MYBPC1: variants seen among roughly 807,000 people sequenced by gnomAD.
MYBPC1 encodes myosin-binding protein C, slow-type.
In MYBPC1, 52 loss-of-function variants were observed where a neutral mutation model predicts 147.1. That is an observed-to-expected ratio of 0.35 (90% CI 0.28 to 0.45). The LOEUF (loss-of-function observed/expected upper bound fraction) is 0.45. MYBPC1 is among the 20% of genes least tolerant of loss of function. The pLI is 1.00. For missense variants in MYBPC1, 1,228 were observed against 1,440.3 expected (o/e 0.85, Z 2.39); for synonymous variants, 477 against 475.9 (o/e 1.00, Z -0.03).
chr12:101,597,084 T>C (rs1402141308), intron 1 of MYBPC1, among the ~76,000 whole-genome samples: 1 of 152,228 alleles, frequency 6.6e-6, no homozygotes, highest in African/African-American at 2.4e-5. Flanking sequence ...CATTTTAATA[T>C]TGTTTACATT....
At chr12:101,632,541 A>C (rs548799686) in intron 8 of MYBPC1, among the ~76,000 whole-genome samples, 81 of 152,338 alleles carry the variant, frequency 5.3e-4, no homozygotes, top group African/African-American at 1.9e-3. Context: ...AATGTCAGGC[A>C]TGGCAGTTCT....
chr12:101,615,021 G>T lies in MYBPC1; in HGVS notation c.61+490G>T, dbSNP rs1399583854. The T allele has an allele frequency of 2.4e-5, 5 of 204,652 alleles. No homozygotes were observed. In the East Asian group the frequency reaches 3.6e-4, roughly 15 times the overall value. The allele number at this position is 204,652 out of a possible 1,614,324, so 12.7% of individuals were successfully genotyped here. ...AACTCCCTAGCAGCTATCCAGAAAG[G>T]TTTGGTGACCTCTGAGGTTCAACGT... is the stretch of plus-strand genomic sequence containing the variant. On this transcript the variant is annotated intron_variant, in intron 2 of 31. Coordinates refer to ENST00000361466, the MANE Select transcript of MYBPC1 (RefSeq NM_002465.4).
intron 29 of MYBPC1, among the ~76,000 whole-genome samples, chr12:101,681,555 CATATATATATATAT>C (rs1206495774): frequency 0.037 from 846 of 23,176 alleles, 19 homozygotes; most frequent in African/African-American, 0.075. Context: ...AAATAACTTT[CATATATATATATAT>C]ATATATATAT....
At chr12:101,669,491 T>A (rs904709147) in intron 23 of MYBPC1, among the ~76,000 whole-genome samples, 2 of 152,226 alleles carry the variant, frequency 1.3e-5, no homozygotes, top group African/African-American at 4.8e-5. Context: ...AAAGTTACTG[T>A]CGAACTCCAA....
chr12:101,617,094 C>A, intron 2 of MYBPC1, 108 bp from the exon 3 acceptor site: 2 of 934,872 alleles, frequency 2.1e-6, no homozygotes, highest in South Asian at 1.4e-5. Flanking sequence ...CATTTATGAC[C>A]TGTTCTGCTG....
At chr12:101,686,597 C>T (rs970102177), downstream of MYBPC1, among the ~76,000 whole-genome samples, 2 of 152,204 alleles carry the variant, frequency 1.3e-5, no homozygotes, top group Non-Finnish European at 2.9e-5. Context: ...GGAGTAGAAT[C>T]GAACTGTAAG....
At chr12:101,695,164 G>C in the MYBPC1 span, among the ~76,000 whole-genome samples, 16,973 of 152,152 alleles carry the variant, frequency 0.11, 1,282 homozygotes, top group African/African-American at 0.22. Flanking sequence ...TCTGGCCAAT[G>C]AGATACATAA....
chr12:101,624,711 C>A (rs1330596480), intron 3 of MYBPC1, among the ~76,000 whole-genome samples: 3 of 47,842 alleles, frequency 6.3e-5, no homozygotes, highest in Admixed American at 2.0e-4. Flanking sequence ...TTTTTTTTTA[C>A]GGAGAGAGTC....
At chr12:101,651,905 G>C (rs989320638) in intron 16 of MYBPC1, among the ~76,000 whole-genome samples, 2 of 152,152 alleles carry the variant, frequency 1.3e-5, no homozygotes, top group Non-Finnish European at 2.9e-5. Context: ...CTGCATTTCA[G>C]CCTGGGAAAC....
At chr12:101,663,333 T>C in intron 21 of MYBPC1, 93 bp from the exon 22 acceptor site, 1 of 1,151,012 alleles carries the variant, frequency 8.7e-7, no homozygotes, top group Non-Finnish European at 1.3e-6. Flanking sequence ...TTTGTGTCTA[T>C]TTTTATTTGT....
intron 13 of MYBPC1, 198 bp downstream of exon 13, chr12:101,647,085 A>G: frequency 1.6e-6 from 1 of 644,728 alleles, no homozygotes; most frequent in Non-Finnish European, 2.7e-6. Flanking sequence ...TCATGTTTTG[A>G]CTCAAGCCAA....
At chr12:101,688,969 GAA>G (rs751592900), downstream of MYBPC1, among the ~76,000 whole-genome samples, 6,005 of 54,748 alleles carry the variant, frequency 0.11, 229 homozygotes, top group Non-Finnish European at 0.14. Flanking sequence ...AAAAAAAAAA[GAA>G]AAAGAAAAAA....
At chr12:101,663,323 T>C in intron 21 of MYBPC1, 103 bp from the exon 22 acceptor site, 1 of 1,034,736 alleles carries the variant, frequency 9.7e-7, no homozygotes. Context: ...ATGTAGGGCT[T>C]TTGTGTCTAT....
chr12:101,625,217 A>G (rs1888328393), intron 3 of MYBPC1, among the ~76,000 whole-genome samples: 1 of 151,934 alleles, frequency 6.6e-6, no homozygotes, highest in Non-Finnish European at 1.5e-5. Flanking sequence ...CCTGGCAGCT[A>G]TAGAATATAC....
rs1894430737 is a variant in MYBPC1 at position 101,651,492 on chromosome 12, A to T, written c.1526+99A>T. The T allele has an allele frequency of 5.4e-6, 8 of 1,484,892 alleles. No individual in the cohort carries two copies. In the South Asian group the frequency reaches 9.1e-5, roughly 17 times the overall value. The allele number at this position is 1,484,892 out of a possible 1,614,324, so 92.0% of individuals were successfully genotyped here. A position where few individuals can be genotyped will look rare whatever the true frequency, so the allele number is the denominator to read the frequency against. Reference sequence around the variant, plus strand: ...TGGTGAGGATATTTGAAGGGTAGCCATAGGGAGATCATCTATTCCTGATTC... The same window carrying T: ...TGGTGAGGATATTTGAAGGGTAGCCTTAGGGAGATCATCTATTCCTGATTC... On this transcript the variant is annotated intron_variant, in intron 16 of 31. Transcript: ENST00000361466.
chr12:101,684,470 A>T (rs1951230413), intron 31 of MYBPC1, 46 bp downstream of exon 31: 1 of 1,386,778 alleles, frequency 7.2e-7, no homozygotes, highest in Admixed American at 1.7e-5. Context: ...TGACTGTCAT[A>T]AGCCATACCA....
intron 10 of MYBPC1, among the ~76,000 whole-genome samples, chr12:101,640,467 C>A (rs753912500): frequency 1.3e-5 from 2 of 152,114 alleles, no homozygotes; most frequent in African/African-American, 4.8e-5. Flanking sequence ...TTAAGCTTTT[C>A]GATTTTCTCA....
the MYBPC1 span, among the ~76,000 whole-genome samples, chr12:101,693,031 C>T: frequency 6.6e-6 from 1 of 151,358 alleles, no homozygotes; most frequent in African/African-American, 2.4e-5. Flanking sequence ...ACTGCCACCT[C>T]CGCCTCCCAG....
chr12:101,627,088 G>A (rs577640536), intron 4 of MYBPC1, among the ~76,000 whole-genome samples, 178 bp downstream of exon 4: 1 of 152,164 alleles, frequency 6.6e-6, no homozygotes, highest in African/African-American at 2.4e-5. Flanking sequence ...TTTGTTTTAC[G>A]TGAGAAACTT....
Sources: allele counts gnomAD v4.1 joint callset (sites outside exome capture counted in the v4.1 genomes callset), GRCh38; gene constraint gnomAD v4.1.1; transcripts MANE v1.5; gene names NCBI Gene and HGNC (gene_info 2026-07-23, HGNC 2026-07-21).